The following USP37 variants were observed in gnomAD, a reference collection of about 807,000 sequenced individuals.
USP37 encodes ubiquitin specific peptidase 37, also known as ubiquitin carboxyl-terminal hydrolase 37.
Under a neutral mutation model 124.0 loss-of-function variants are expected in USP37, and 27 were observed. The ratio of observed to expected loss-of-function variants is 0.22; its 90% CI spans 0.16 to 0.30. The LOEUF is 0.30. Among genes scored for constraint, USP37 ranks in the 10% least tolerant of loss-of-function variants. The pLI, the probability that USP37 is intolerant of heterozygous loss-of-function variation, is 1.00. For missense variants in USP37, 889 were observed against 1,140.4 expected (o/e 0.78, Z 3.17); for synonymous variants, 365 against 388.0 (o/e 0.94, Z 0.70).
intron 1 of USP37, among the ~76,000 whole-genome samples, chr2:218,563,337 A>T (rs1220714487): frequency 6.6e-6 from 1 of 152,228 alleles, no homozygotes; most frequent in Non-Finnish European, 1.5e-5. Context: ...ATAATGAGGG[A>T]TTACAGGATG....
Position 218,454,863 on chromosome 2 carries a change from G to C in USP37, c.*67C>G. 1 of 1,581,778 alleles carries C rather than the reference G, an allele frequency of 6.3e-7. No homozygotes were observed. The highest frequency in any genetic ancestry group is 2.3e-5 in the East Asian group (1 of 44,404). On this transcript the variant is annotated 3_prime_UTR_variant, in exon 26 of 26. Transcript: ENST00000258399. ...TAGAATTCCAAATTCTCCTTCAGCA[G>C]AGGAAAGGTGAGGTGGGCAGCAGTA...
intron 8 of USP37, among the ~76,000 whole-genome samples, chr2:218,539,405 G>A (rs373377782): frequency 6.6e-5 from 10 of 151,900 alleles, no homozygotes; most frequent in East Asian, 5.8e-4. Context: ...ATAGATCTTC[G>A]CAACCACAGC....
intron 11 of USP37, among the ~76,000 whole-genome samples, chr2:218,506,196 A>G (rs1689667614): frequency 6.6e-6 from 1 of 151,568 alleles, no homozygotes; most frequent in South Asian, 2.1e-4. Flanking sequence ...TTCTGTCTCA[A>G]TGCTTTAATC....
chr2:218,506,636 G>T, intron 11 of USP37, among the ~76,000 whole-genome samples: 10 of 132,614 alleles, frequency 7.5e-5, no homozygotes, highest in Non-Finnish European at 9.8e-5. Flanking sequence ...TTTTTTCCCT[G>T]GCTTTCCTTT....
Position 218,451,023 on chromosome 2 carries a change from C to A in USP37, c.*3907G>T, listed in dbSNP as rs921800120. On this transcript the variant is annotated 3_prime_UTR_variant, in exon 26 of 26. Transcript: ENST00000258399. ...GTTAAACACAGCAAAATAATTGTCACAAAACTTTCAAGGCCTAACAAATTA... is the reference window on the plus strand; with the variant it reads ...GTTAAACACAGCAAAATAATTGTCAAAAAACTTTCAAGGCCTAACAAATTA... The A allele has an allele frequency of 6.6e-6, 1 of 152,010 alleles. No homozygotes were observed. The highest frequency in any genetic ancestry group is 1.5e-5 in the Non-Finnish European group (1 of 68,006). The allele number at this position is 152,010 out of a possible 1,614,324, so 9.4% of individuals were successfully genotyped here.
At chr2:218,517,982 G>T (rs1038735755) in intron 10 of USP37, among the ~76,000 whole-genome samples, 28 of 151,004 alleles carry the variant, frequency 1.9e-4, no homozygotes, top group African/African-American at 6.1e-4. Context: ...TTGAGATAAG[G>T]TCTCATTCTG....
intron 5 of USP37, among the ~76,000 whole-genome samples, chr2:218,550,353 T>C (rs1219536286): frequency 6.6e-6 from 1 of 152,158 alleles, no homozygotes; most frequent in Non-Finnish European, 1.5e-5. Flanking sequence ...AATAAATGGC[T>C]TCTATTCTGA....
chr2:218,548,281 C>T (rs1692475520), intron 6 of USP37, among the ~76,000 whole-genome samples: 1 of 152,142 alleles, frequency 6.6e-6, no homozygotes, highest in Admixed American at 6.5e-5. Context: ...TACATGTCCA[C>T]TGTTTTGCAA....
intron 11 of USP37, among the ~76,000 whole-genome samples, chr2:218,499,024 C>T (rs574535307): frequency 6.6e-6 from 1 of 152,072 alleles, no homozygotes; most frequent in African/African-American, 2.4e-5. Flanking sequence ...CCTATAATCC[C>T]AGCACTTTGG....
intron 11 of USP37, among the ~76,000 whole-genome samples, chr2:218,505,273 A>G (rs1689617216): frequency 6.6e-6 from 1 of 151,730 alleles, no homozygotes. Context: ...CCTGCCTCAG[A>G]CTCCCAAAGT....
chr2:218,519,596 T>A (rs1052659039), intron 10 of USP37, among the ~76,000 whole-genome samples: 1 of 152,088 alleles, frequency 6.6e-6, no homozygotes, highest in African/African-American at 2.4e-5. Flanking sequence ...CCTTCTCGGT[T>A]TGGTAATTCC....
At chr2:218,566,308 T>C (rs1410335600) in intron 1 of USP37, among the ~76,000 whole-genome samples, 1 of 152,162 alleles carries the variant, frequency 6.6e-6, no homozygotes, top group Non-Finnish European at 1.5e-5. Context: ...AAAAGCAATG[T>C]GGCTACAGTT....
chr2:218,504,973 C>T (rs2105997768), intron 11 of USP37, among the ~76,000 whole-genome samples: 1 of 152,278 alleles, frequency 6.6e-6, no homozygotes, highest in East Asian at 1.9e-4. Flanking sequence ...CCTTCTCTCT[C>T]TTCACCCATT....
intron 8 of USP37, among the ~76,000 whole-genome samples, chr2:218,545,249 G>A (rs565789560): frequency 6.6e-6 from 1 of 152,352 alleles, no homozygotes; most frequent in East Asian, 1.9e-4. Flanking sequence ...ATATAACCAT[G>A]TGATTAAGTT....
chr2:218,546,890 C>G (rs759741258), intron 7 of USP37, 29 bp downstream of exon 7: 28 of 1,599,576 alleles, frequency 1.8e-5, no homozygotes, highest in Non-Finnish European at 2.4e-5. Context: ...ACAGATACAG[C>G]TAGTGACTAA....
Position 218,474,464 on chromosome 2 carries a change from G to C in USP37, c.2299+166C>G, listed in dbSNP as rs762988467. Among the ~76,000 whole-genome samples the C allele has an allele frequency of 4.6e-5, 7 of 152,030 alleles. No individual in the cohort carries two copies. In the South Asian group the frequency reaches 1.2e-3, roughly 27 times the overall value. ...GCAACCTCCGCCTCCCGGTTCAAGC[G>C]AATTCTCCTGCCTCAGCCTCCCGAG... On this transcript the variant is annotated intron_variant, in intron 20 of 25. Transcript: ENST00000258399.
intron 17 of USP37, 100 bp downstream of exon 17, chr2:218,481,970 C>T: frequency 7.3e-7 from 1 of 1,370,086 alleles, no homozygotes; most frequent in Non-Finnish European, 9.9e-7. Flanking sequence ...CTGATTTTAC[C>T]TTGGAGTCAT....
chr2:218,485,851 G>T, intron 15 of USP37, 108 bp from the exon 16 acceptor site: 1 of 1,230,904 alleles, frequency 8.1e-7, no homozygotes. Flanking sequence ...TGACAACTCT[G>T]AACCAGTTTT....
intron 14 of USP37, among the ~76,000 whole-genome samples, chr2:218,493,751 G>A (rs921474602): frequency 2.0e-5 from 3 of 152,094 alleles, no homozygotes; most frequent in Admixed American, 6.6e-5. Flanking sequence ...GATTACAGGC[G>A]GGAGCCACCA....
Sources: gnomAD v4.1 joint callset for allele counts (sites outside exome capture counted in the v4.1 genomes callset) on GRCh38, gnomAD v4.1.1 for gene constraint, MANE v1.5 for transcripts, NCBI Gene and HGNC (gene_info 2026-07-23, HGNC 2026-07-21) for gene names.